JADE3: variants seen among roughly 807,000 people sequenced by gnomAD.
JADE3 encodes jade family PHD finger 3, also known as protein Jade-3.
A neutral mutation model predicts 50.1 loss-of-function variants in JADE3; 2 were observed. That is an observed-to-expected ratio of 0.04 (90% confidence interval 0.02 to 0.13). The LOEUF (loss-of-function observed/expected upper bound fraction) is 0.13. Among genes scored for constraint, JADE3 ranks in the 10% least tolerant of loss-of-function variants. JADE3 has a pLI of 1.00. For missense variants in JADE3, 475 were observed against 634.4 expected, an observed-to-expected ratio of 0.75 and a Z score of 2.70; for synonymous variants, 218 against 232.9, an observed-to-expected ratio of 0.94 and a Z score of 0.58.
chrX:47,004,582 G>A (rs1185140674), intron 4 of JADE3, among the ~76,000 whole-genome samples: 2 of 111,578 alleles, frequency 1.8e-5, no homozygotes, highest in Non-Finnish European at 3.8e-5. Context: ...GGCCTGTGCC[G>A]CCATATGCGG....
chrX:46,956,640 C>T (rs1027253093), intron 1 of JADE3, among the ~76,000 whole-genome samples: 8 of 110,689 alleles, frequency 7.2e-5, no homozygotes, highest in African/African-American at 9.9e-5. Flanking sequence ...GATCCTCCCA[C>T]CTCAGACTCC....
chrX:46,943,715 T>C (rs1240155388), intron 1 of JADE3, among the ~76,000 whole-genome samples: 2 of 111,885 alleles, frequency 1.8e-5, no homozygotes, highest in African/African-American at 6.5e-5. Flanking sequence ...CAGGATGATG[T>C]TGGCTTCATA....
At chrX:46,981,987 G>T (rs1927764875) in intron 1 of JADE3, among the ~76,000 whole-genome samples, 1 of 111,103 alleles carries the variant, frequency 9.0e-6, no homozygotes, top group Admixed American at 9.6e-5. Context: ...ATCCTACTTG[G>T]AGTTCTTTGA....
chrX:47,034,678 C>A (rs1225587515), intron 7 of JADE3, among the ~76,000 whole-genome samples: 1 of 110,187 alleles, frequency 9.1e-6, no homozygotes, highest in Admixed American at 9.7e-5. Flanking sequence ...CGGCTCACTG[C>A]AAACTTCACC....
In JADE3 at chrX:47,021,864, A is replaced by C. The variant is rs983243539; in HGVS notation, c.285-2860A>C. ...CCTTTGTTGTCTATGTGCAATTGCA[A>C]ATATCTTCTCCTGTCCCATGGATTG... On this transcript the variant is annotated intron_variant, in intron 4 of 10. Transcript: ENST00000614628. 1.6e-4 allele frequency among the ~76,000 whole-genome samples: 18 copies of C among 112,077 alleles called. No individual in the cohort carries two copies. In the East Asian group the frequency reaches 2.8e-3, roughly 17 times the overall value.
At chrX:47,020,071 C>T (rs1418855029) in intron 4 of JADE3, among the ~76,000 whole-genome samples, 7 of 111,967 alleles carry the variant, frequency 6.3e-5, no homozygotes, top group Non-Finnish European at 1.3e-4. Context: ...TGGCTCACGC[C>T]TGTAATCCCA....
intron 8 of JADE3, among the ~76,000 whole-genome samples, chrX:47,040,961 CTTTT>C (rs1250995984): frequency 9.0e-6 from 1 of 111,598 alleles, no homozygotes; most frequent in African/African-American, 3.3e-5. Context: ...GCTACTTCTT[CTTTT>C]TTTTAACCTT....
At chrX:47,042,503 A>G (rs1440405088) in intron 8 of JADE3, among the ~76,000 whole-genome samples, 2 of 111,905 alleles carry the variant, frequency 1.8e-5, no homozygotes, top group African/African-American at 6.5e-5. Context: ...TTGCAGAGCA[A>G]TGATTCTTAC....
At position 47,058,944 on chromosome X, in the gene JADE3, G is replaced by A. The variant is rs1347385266; in HGVS notation, c.2339G>A (p.Ser780Asn). ...DLELSDSEAE[S>N]DGNKEKVRVR... ...GAGCTGAGTGATTCAGAGGCAGAAA[G>A]TGATGGGAATAAAGAAAAAGTCAGG... The change falls in exon 11 of 11, where the codon AGT becomes AAT. Residue 780 changes from serine (S) to asparagine (N), a missense_variant. Around this residue, in one of 6 missense-constraint regions of JADE3, gnomAD observed 243 missense variants for 238.2 expected, o/e 1.02. Coordinates refer to ENST00000614628, the MANE Select transcript of JADE3 (RefSeq NM_014735.5). The A allele has an allele frequency of 5.8e-6, 7 of 1,209,456 alleles. No homozygotes were observed. The highest frequency in any genetic ancestry group is 7.8e-6 in the Non-Finnish European group (7 of 895,007).
intron 4 of JADE3, among the ~76,000 whole-genome samples, chrX:47,019,053 G>A (rs57666859): frequency 4.5e-5 from 5 of 111,690 alleles, no homozygotes; most frequent in Non-Finnish European, 5.7e-5. Flanking sequence ...AAGTGCATGC[G>A]TTCCTGCAAA....
chrX:46,924,472 CAGTTTGTCT>C (rs1556338467), intron 1 of JADE3, among the ~76,000 whole-genome samples: 1 of 112,248 alleles, frequency 8.9e-6, no homozygotes, highest in African/African-American at 3.2e-5. Flanking sequence ...AGTTGCTTTT[CAGTTTGTCT>C]AGCATTTTTC....
chrX:46,958,712 T>C (rs1273423973), intron 1 of JADE3, among the ~76,000 whole-genome samples: 1 of 112,486 alleles, frequency 8.9e-6, no homozygotes, highest in African/African-American at 3.2e-5. Context: ...CAATGCTTTA[T>C]TAATGTGGTT....
At chrX:46,937,806 C>T (rs1926664896) in intron 1 of JADE3, among the ~76,000 whole-genome samples, 1 of 110,908 alleles carries the variant, frequency 9.0e-6, no homozygotes, top group Non-Finnish European at 1.9e-5. Flanking sequence ...CATGGTGAAA[C>T]CCCATCTCTA....
At chrX:47,029,564 A>ATT (rs1556366326) in intron 6 of JADE3, among the ~76,000 whole-genome samples, 1 of 112,224 alleles carries the variant, frequency 8.9e-6, no homozygotes, top group Non-Finnish European at 1.9e-5. Context: ...AAATGACTAA[A>ATT]GTAATTAGAA....
intron 4 of JADE3, among the ~76,000 whole-genome samples, chrX:47,013,532 T>C (rs782318649): frequency 8.9e-6 from 1 of 112,337 alleles, no homozygotes; most frequent in South Asian, 3.7e-4. Context: ...GACACTTTTG[T>C]AAGCAATGAT....
chrX:46,948,920 A>G (rs1926940607), intron 1 of JADE3, among the ~76,000 whole-genome samples: 1 of 110,833 alleles, frequency 9.0e-6, no homozygotes, highest in African/African-American at 3.3e-5. Context: ...ACACAAACAT[A>G]TCACAATTTT....
chrX:47,047,311 C>G (rs1556370909), intron 8 of JADE3, among the ~76,000 whole-genome samples: 2 of 111,776 alleles, frequency 1.8e-5, no homozygotes, highest in Non-Finnish European at 3.8e-5. Context: ...CTTCGGGAGG[C>G]CAAGGTGAGC....
chrX:46,935,953 AGGTATGAGCC>A (rs1926611677), intron 1 of JADE3, among the ~76,000 whole-genome samples: 1 of 100,680 alleles, frequency 9.9e-6, no homozygotes, highest in Non-Finnish European at 2.0e-5. Flanking sequence ...CTGAGATTAC[AGGTATGAGCC>A]ACCACGCCTG....
At chrX:46,976,813 T>C (rs782302071) in intron 1 of JADE3, among the ~76,000 whole-genome samples, 1 of 111,489 alleles carries the variant, frequency 9.0e-6, no homozygotes, top group Non-Finnish European at 1.9e-5. Flanking sequence ...AGAAGTTACT[T>C]TGACAATCAC....
Sources: allele counts gnomAD v4.1 joint callset (sites outside exome capture counted in the v4.1 genomes callset), GRCh38; gene constraint gnomAD v4.1.1; regional missense constraint gnomAD v4.1.1; transcripts MANE v1.5; gene names NCBI Gene and HGNC (gene_info 2026-07-23, HGNC 2026-07-21).